The following CREB5 variants were observed in gnomAD, a reference collection of about 807,000 sequenced individuals.
CREB5 encodes the protein cAMP responsive element binding protein 5, also known as cyclic AMP-responsive element-binding protein 5.
In CREB5, 19 loss-of-function variants were observed where a neutral mutation model predicts 57.1. The ratio of observed to expected loss-of-function variants is 0.33; its 90% CI spans 0.23 to 0.49. The LOEUF (loss-of-function observed/expected upper bound fraction) is 0.49. Ranked by LOEUF, CREB5 falls within the 20% of genes least tolerant of loss-of-function variation. The pLI is 0.99. For missense variants in CREB5, 579 were observed against 671.6 expected, an observed-to-expected ratio of 0.86 and a Z score of 1.52; for synonymous variants, 238 against 238.3, an observed-to-expected ratio of 1.00 and a Z score of 0.01.
At chr7:28,687,255 T>C (rs533446371) in intron 5 of CREB5, among the ~76,000 whole-genome samples, 51 of 152,170 alleles carry the variant, frequency 3.4e-4, no homozygotes, top group African/African-American at 1.2e-3. Context: ...AAGACTTTTA[T>C]GTTCTTGAAT....
chr7:28,735,117 G>A (rs1031516965), intron 7 of CREB5, among the ~76,000 whole-genome samples: 2 of 151,230 alleles, frequency 1.3e-5, no homozygotes, highest in African/African-American at 4.9e-5. Context: ...GGTTTTTTTT[G>A]TTTTTTTGTG....
Position 28,560,871 on chromosome 7 carries a change from T to TGTGTGTGC in CREB5, c.292-9493_292-9492insTGTGTGCG, listed in dbSNP as rs1795122895. On this transcript the variant is annotated intron_variant, in intron 4 of 10. Transcript: ENST00000357727. ...GCGTGTGTGTGTGCGTGTGCCTGCG[T>TGTGTGTGC]GCGCGTGCGTGCGTGCGTGTGTGTG... Among the ~76,000 whole-genome samples, 14 of 38,006 alleles carry TGTGTGTGC rather than the reference T, an allele frequency of 3.7e-4. 1 individual carries two copies. Among genetic ancestry groups the TGTGTGTGC allele is most frequent in the South Asian group, 1.6e-3 (1 of 620 alleles). The allele number at this position is 38,006 out of a possible 152,430, so 24.9% of individuals were successfully genotyped here.
chr7:28,670,674 A>G (rs1312255228), intron 5 of CREB5, among the ~76,000 whole-genome samples: 1 of 152,198 alleles, frequency 6.6e-6, no homozygotes, highest in Non-Finnish European at 1.5e-5. Flanking sequence ...CATATCTCCC[A>G]TGTGCCATCT....
chr7:28,327,924 T>C (rs1785637932), intron 1 of CREB5, among the ~76,000 whole-genome samples: 1 of 152,248 alleles, frequency 6.6e-6, no homozygotes, highest in South Asian at 2.1e-4. Flanking sequence ...AAAACAAGTC[T>C]GGTTTTGTTC....
chr7:28,410,940 T>G (rs143653047), upstream of CREB5, among the ~76,000 whole-genome samples: 3,130 of 150,428 alleles, frequency 0.021, 46 homozygotes, highest in Non-Finnish European at 0.031. Flanking sequence ...TCTCCACCAC[T>G]CCCCCGTCTA....
At chr7:28,778,788 A>G (rs1021457712) in intron 7 of CREB5, among the ~76,000 whole-genome samples, 5 of 152,220 alleles carry the variant, frequency 3.3e-5, no homozygotes, top group African/African-American at 1.2e-4. Flanking sequence ...AAAGAAAGCC[A>G]ACAAAATTAT....
At chr7:28,483,363 G>A (rs1240461448) in intron 1 of CREB5, among the ~76,000 whole-genome samples, 1 of 152,208 alleles carries the variant, frequency 6.6e-6, no homozygotes, top group Non-Finnish European at 1.5e-5. Flanking sequence ...TCCAGTGGCA[G>A]TCGAGGGTTT....
chr7:28,781,403 T>G (rs1806963891), intron 7 of CREB5, among the ~76,000 whole-genome samples: 1 of 152,192 alleles, frequency 6.6e-6, no homozygotes, highest in Non-Finnish European at 1.5e-5. Context: ...TTAAGGAATC[T>G]ACATGAATGA....
At position 28,504,296 on chromosome 7, in the gene CREB5, A is replaced by G. The variant is rs143982356; in HGVS notation, c.170-3320A>G. ...TGGTGTGCAATCTCCATGGCCATAA[A>G]TTAAAATTCTTGTAAATCACACCTT... On this transcript the variant is annotated intron_variant, in intron 3 of 10. Coordinates refer to ENST00000357727, the MANE Select transcript of CREB5 (RefSeq NM_182898.4). 6.2e-3 allele frequency among the ~76,000 whole-genome samples: 942 copies of G among 152,334 alleles called. 3 individuals are homozygous for G. The highest frequency in any genetic ancestry group is 0.022 in the African/African-American group (913 of 41,562).
chr7:28,459,063 C>T (rs177581), intron 1 of CREB5, among the ~76,000 whole-genome samples: 34,674 of 152,070 alleles, frequency 0.23, 4,483 homozygotes, highest in African/African-American at 0.36. Context: ...GAACTGTAGC[C>T]GTCAGAGCCT....
At chr7:28,742,233 C>G (rs1369693887) in intron 7 of CREB5, among the ~76,000 whole-genome samples, 1 of 152,050 alleles carries the variant, frequency 6.6e-6, no homozygotes, top group East Asian at 1.9e-4. Flanking sequence ...AAGGGCTGAA[C>G]TAATTGAAGC....
intron 7 of CREB5, among the ~76,000 whole-genome samples, chr7:28,767,389 A>G (rs1298317283): frequency 6.6e-6 from 1 of 152,222 alleles, no homozygotes; most frequent in East Asian, 1.9e-4. Context: ...GAGTTGATAT[A>G]TTCATGACAT....
intron 4 of CREB5, among the ~76,000 whole-genome samples, chr7:28,517,988 A>G (rs901052964): frequency 2.6e-5 from 4 of 152,054 alleles, no homozygotes; most frequent in Non-Finnish European, 5.9e-5. Flanking sequence ...CATTCGAGCT[A>G]TTATTCGAGA....
intron 1 of CREB5, among the ~76,000 whole-genome samples, chr7:28,401,633 A>G (rs62451100): frequency 0.049 from 7,501 of 152,080 alleles, 211 homozygotes; most frequent in African/African-American, 0.064. Flanking sequence ...TCATTGTTCA[A>G]TTCCCACCTA....
At position 28,724,243 on chromosome 7, in the gene CREB5, A is replaced by G. The variant is rs748953026; in HGVS notation, c.613A>G (p.Asn205Asp). The G allele has an allele frequency of 1.2e-6, 2 of 1,613,378 alleles. No individual in the cohort carries two copies. The highest frequency in any genetic ancestry group is 1.1e-5 in the South Asian group (1 of 91,048). Residue 205 changes from asparagine to aspartate, a missense_variant, in exon 7 of 11, where the codon AAC becomes GAC. This residue lies in a region of CREB5 where 459 missense variants were observed against 515.7 expected (regional missense o/e 0.89). Transcript: ENST00000357727. ...LMPMERQMSV[N>D]SSIMGMQGPN... ...TTAGATGGAGCGACAAATGTCAGTG[A>G]ACTCCAGCATCATGGGGATGCAAGG...
intron 7 of CREB5, among the ~76,000 whole-genome samples, chr7:28,757,804 A>G (rs116531067): frequency 0.015 from 2,222 of 152,264 alleles, 59 homozygotes; most frequent in African/African-American, 0.05. Context: ...AGATTTTGGA[A>G]TATTTACATT....
chr7:28,563,826 C>T (rs1280177574), intron 4 of CREB5, among the ~76,000 whole-genome samples: 1 of 152,144 alleles, frequency 6.6e-6, no homozygotes, highest in East Asian at 1.9e-4. Context: ...TCTTACCTGC[C>T]CTGTGTTACA....
chr7:28,588,130 A>G (rs1312458861), intron 5 of CREB5, among the ~76,000 whole-genome samples: 3 of 152,216 alleles, frequency 2.0e-5, no homozygotes, highest in African/African-American at 7.2e-5. Flanking sequence ...GATCTGCAGT[A>G]CAGCATTCTA....
intron 4 of CREB5, among the ~76,000 whole-genome samples, chr7:28,560,052 A>G (rs778820478): frequency 4.6e-5 from 7 of 152,236 alleles, no homozygotes; most frequent in Non-Finnish European, 1.0e-4. Flanking sequence ...GCAGGGCTGT[A>G]AGATAATATG....
Sources: allele counts gnomAD v4.1 joint callset (sites outside exome capture counted in the v4.1 genomes callset), GRCh38; gene constraint gnomAD v4.1.1; regional missense constraint gnomAD v4.1.1; transcripts MANE v1.5; gene names NCBI Gene and HGNC (gene_info 2026-07-23, HGNC 2026-07-21).